The following RSRP1 variants were observed in gnomAD, a reference collection of about 807,000 sequenced individuals.
RSRP1 encodes arginine/serine-rich protein 1.
Under a neutral mutation model 33.0 loss-of-function variants are expected in RSRP1, and 37 were observed. That is an observed-to-expected ratio of 1.12 (90% CI 0.86 to 1.48). RSRP1 has a LOEUF of 1.48. Among genes scored for constraint, RSRP1 ranks in the 40% most tolerant of loss-of-function variants. The pLI, the probability that RSRP1 is intolerant of heterozygous loss-of-function variation, is 0.00. For missense variants in RSRP1, 402 were observed against 385.3 expected (o/e 1.04, Z -0.36); for synonymous variants, 167 against 158.7 (o/e 1.05, Z -0.40).
Position 25,264,297 on chromosome 1 carries a change from T to C in RSRP1, c.-66-17268A>G, listed in dbSNP as rs370476293. 8.1e-4 allele frequency among the ~76,000 whole-genome samples: 123 copies of C among 151,724 alleles called. 2 individuals are homozygous for C. Among genetic ancestry groups the C allele is most frequent in the East Asian group, 1.9e-3 (10 of 5,186 alleles). ...CAGAGGATCTCCATGAGGGCCCTGC[T>C]CCTGCAGCAAACTTCTGACTGGGCA... On this transcript the variant is annotated intron_variant, in intron 1 of 1. Coordinates refer to the RSRP1 transcript ENST00000561867.
Position 25,246,379 on chromosome 1 carries a change from C to A in RSRP1, c.520+65G>T. On this transcript the variant is annotated intron_variant, in intron 2 of 4. Transcript: ENST00000243189. ...TTGAAACTACACAGCAACGTTGGTT[C>A]CCTAGCCTACTCATATACTGCCACC... 6.4e-7 allele frequency: 1 copy of A among 1,566,826 alleles called. No homozygotes were observed. Among genetic ancestry groups the A allele is most frequent in the South Asian group, 1.2e-5 (1 of 85,210 alleles).
Position 25,308,309 on chromosome 1 carries a change from G to C in RSRP1, c.-67+29669C>G, listed in dbSNP as rs1643955958. Among the ~76,000 whole-genome samples, 4 of 111,698 alleles carry C rather than the reference G, an allele frequency of 3.6e-5. No homozygotes were observed. In the South Asian group the frequency reaches 1.1e-3, roughly 31 times the overall value. The allele number at this position is 111,698 out of a possible 152,430, so 73.3% of individuals were successfully genotyped here. The stretch of plus-strand genomic sequence containing the variant: ...TTCTCCACAGCACCTGCATCACTTG[G>C]AAACTTGTTAGAAATGCAAGCCCTA... On this transcript the variant is annotated intron_variant, in intron 1 of 1. Coordinates refer to the RSRP1 transcript ENST00000561867.
chr1:25,244,790 C>T, intron 3 of RSRP1: 1 of 982,328 alleles, frequency 1.0e-6, no homozygotes, highest in Non-Finnish European at 1.3e-6. Context: ...GCTCAAAGAT[C>T]CTCCTGCCTC....
In RSRP1 at chr1:25,290,666, T is replaced by A. The variant is rs41267489; in HGVS notation, c.-66-43637A>T. 49 of 1,378,186 alleles carry A rather than the reference T, an allele frequency of 3.6e-5. 5 individuals carry two copies. The highest frequency in any genetic ancestry group is 1.8e-4 in the Middle Eastern group (1 of 5,492). 85.4% of individuals were successfully genotyped at this position (1,378,186 alleles called of 1,614,324 possible). ...TATTCGGCTGGCCACCATGAGTGCTTTGTCGGTGCTGATCTCAGTGGATGC... is the reference window on the plus strand; with the variant it reads ...TATTCGGCTGGCCACCATGAGTGCTATGTCGGTGCTGATCTCAGTGGATGC... On this transcript the variant is annotated intron_variant, in intron 1 of 1. Transcript: ENST00000561867.
chr1:25,244,065 T>TG (rs1384784036), intron 3 of RSRP1: 1 of 1,208,252 alleles, frequency 8.3e-7, no homozygotes, highest in Non-Finnish European at 1.0e-6. Flanking sequence ...CAGCATTTTT[T>TG]TTTTTTAAGC....
chr1:25,261,153 T>C (rs979416942), intron 1 of RSRP1, among the ~76,000 whole-genome samples: 2 of 152,126 alleles, frequency 1.3e-5, no homozygotes, highest in African/African-American at 4.8e-5. Context: ...TCCACCCTCA[T>C]GACCTCATTT....
chr1:25,288,972 C>T (rs1328562215), intron 1 of RSRP1, among the ~76,000 whole-genome samples: 8 of 134,158 alleles, frequency 6.0e-5, no homozygotes, highest in Admixed American at 5.8e-4. Context: ...CTGACCTTCC[C>T]CTAAAGTCCT....
chr1:25,258,180 A>G (rs973414957), intron 1 of RSRP1, among the ~76,000 whole-genome samples: 5 of 151,704 alleles, frequency 3.3e-5, no homozygotes, highest in Admixed American at 6.6e-5. Flanking sequence ...GCATAATCTC[A>G]TTATTTATTT....
rs182553908 is a variant in RSRP1 at position 25,255,140 on chromosome 1, G to A, written c.-66-8111C>T. 2.6e-3 allele frequency among the ~76,000 whole-genome samples: 389 copies of A among 152,282 alleles called. 1 individual carries two copies. Among genetic ancestry groups the A allele is most frequent in the Non-Finnish European group, 4.6e-3 (310 of 68,034 alleles). Reference sequence around the variant, plus strand: ...CACAGGGAATTTAACTTCGGTGATGGCACAGTCATGGGCAATGGAATAACT... The same window carrying A: ...CACAGGGAATTTAACTTCGGTGATGACACAGTCATGGGCAATGGAATAACT... On this transcript the variant is annotated intron_variant, in intron 1 of 1. Coordinates refer to the RSRP1 transcript ENST00000561867.
At chr1:25,296,761 C>T (rs1642993362) in intron 1 of RSRP1, among the ~76,000 whole-genome samples, 1 of 121,682 alleles carries the variant, frequency 8.2e-6, no homozygotes, top group Non-Finnish European at 2.0e-5. Flanking sequence ...TCTCTCTCAC[C>T]TGACACCACG....
Position 25,332,100 on chromosome 1 carries a change from TTA to T in RSRP1, c.-67+5876_-67+5877del, listed in dbSNP as rs1645025426. ...CTGTTGCCCAACCTGGAGTGCAGTG[TTA>T]TGATTTTGGCTCACTGCAACCTCTA... On this transcript the variant is annotated intron_variant, in intron 1 of 1. Transcript: ENST00000561867. Among the ~76,000 whole-genome samples the T allele has an allele frequency of 6.5e-5, 8 of 122,300 alleles. 1 individual carries two copies. In the South Asian group the frequency reaches 2.0e-3, roughly 31 times the overall value. The allele number at this position is 122,300 out of a possible 152,430, so 80.2% of individuals were successfully genotyped here.
chr1:25,251,984 T>G (rs890738433), upstream of RSRP1, among the ~76,000 whole-genome samples: 7 of 150,306 alleles, frequency 4.7e-5, no homozygotes, highest in African/African-American at 1.7e-4. Context: ...TCTGCCTCCC[T>G]GGTTCAAGTG....
chr1:25,272,435 A>T, intron 1 of RSRP1: 1 of 1,303,256 alleles, frequency 7.7e-7, no homozygotes. Context: ...GCAGCCTGAG[A>T]TAAGGCCTTT....
At chr1:25,243,472 C>T in intron 4 of RSRP1, 78 bp downstream of exon 4, 2 of 1,552,250 alleles carry the variant, frequency 1.3e-6, no homozygotes, top group South Asian at 1.2e-5. Flanking sequence ...CAACTATCAC[C>T]ACAAAGATAA....
chr1:25,315,729 C>G (rs1219732061), intron 1 of RSRP1, among the ~76,000 whole-genome samples: 1 of 129,954 alleles, frequency 7.7e-6, no homozygotes, highest in Admixed American at 7.5e-5. Flanking sequence ...ATCTCCTGAC[C>G]TCATGATCTG....
intron 1 of RSRP1, among the ~76,000 whole-genome samples, chr1:25,272,103 G>T (rs1253369923): frequency 2.4e-5 from 3 of 124,096 alleles, no homozygotes; most frequent in African/African-American, 8.1e-5. Flanking sequence ...TGCCCTCTCT[G>T]TCATGTAGTA....
intron 1 of RSRP1, among the ~76,000 whole-genome samples, chr1:25,270,650 G>C (rs1476172645): frequency 7.6e-6 from 1 of 132,136 alleles, no homozygotes; most frequent in African/African-American, 2.6e-5. Flanking sequence ...CTACAGTTAA[G>C]TGGTCAAACA....
chr1:25,252,691 G>A lies in RSRP1; in HGVS notation c.-66-5662C>T, dbSNP rs28698409. Among the ~76,000 whole-genome samples, 7 of 152,218 alleles carry A rather than the reference G, an allele frequency of 4.6e-5. No individual in the cohort carries two copies. In the East Asian group the frequency reaches 1.4e-3, roughly 29 times the overall value. On this transcript the variant is annotated intron_variant, in intron 1 of 1. Coordinates refer to the RSRP1 transcript ENST00000561867. Reference sequence around the variant, plus strand: ...TGGGATTACAGGCGCCAGCAACTACGCCCAGCTAATTTTTGGTATTTTTAG... The same window carrying A: ...TGGGATTACAGGCGCCAGCAACTACACCCAGCTAATTTTTGGTATTTTTAG...
At chr1:25,261,157 C>A (rs1180395077) in intron 1 of RSRP1, among the ~76,000 whole-genome samples, 3 of 152,132 alleles carry the variant, frequency 2.0e-5, no homozygotes, top group Non-Finnish European at 2.9e-5. Flanking sequence ...CCCTCATGAC[C>A]TCATTTGACC....
Sources: allele counts gnomAD v4.1 joint callset (sites outside exome capture counted in the v4.1 genomes callset), GRCh38; gene constraint gnomAD v4.1.1; transcripts MANE v1.5; gene names NCBI Gene and HGNC (gene_info 2026-07-23, HGNC 2026-07-21).